Variants in SGCB observed in about 807,000 individuals in gnomAD.
The protein encoded by SGCB is sarcoglycan beta.
Under a neutral mutation model 27.3 loss-of-function variants are expected in SGCB, and 25 were observed. That is an observed-to-expected ratio of 0.92 (90% CI 0.67 to 1.28). SGCB has a LOEUF of 1.28. SGCB is among the 50% of genes most tolerant of loss of function. The probability of loss-of-function intolerance (pLI) is 0.00; values close to 1 mark genes in which losing one functional copy is unlikely to be tolerated. For synonymous variants in SGCB, 147 were observed against 133.5 expected, an observed-to-expected ratio of 1.10 and a Z score of -0.70; for missense variants, 436 against 402.1, an observed-to-expected ratio of 1.08 and a Z score of -0.72.
Position 52,022,981 on chromosome 4 carries a change from A to G in SGCB, c.*976T>C, listed in dbSNP as rs1189072144. On this transcript the variant is annotated 3_prime_UTR_variant, in exon 6 of 6. Coordinates refer to ENST00000381431, the MANE Select transcript of SGCB (RefSeq NM_000232.5). ...TGTTTTGTTTGATTCTCATCTTCTT[A>G]GGTAAGTTTAAATTAACCTTTGTTC... 6.6e-6 allele frequency: 1 copy of G among 152,208 alleles called. No individual in the cohort carries two copies. Among genetic ancestry groups the G allele is most frequent in the Non-Finnish European group, 1.5e-5 (1 of 68,040 alleles). The allele number at this position is 152,208 out of a possible 1,614,324, so 9.4% of individuals were successfully genotyped here. A position where few individuals can be genotyped will look rare whatever the true frequency, so the allele number is the denominator to read the frequency against.
At chr4:52,035,714 A>G (rs139866115) in intron 1 of SGCB, among the ~76,000 whole-genome samples, 2 of 152,312 alleles carry the variant, frequency 1.3e-5, no homozygotes, top group East Asian at 3.9e-4. Context: ...AAGTGGGATG[A>G]AAAAGGAGAG....
At chr4:52,038,124 GCCCGCGCCC>G (rs1472042514) in intron 1 of SGCB, 94 bp downstream of exon 1, 1 of 1,044,080 alleles carries the variant, frequency 9.6e-7, no homozygotes, top group Non-Finnish European at 1.2e-6. Flanking sequence ...AGACCCTGCG[GCCCGCGCCC>G]CCCGCACCCC....
intron 1 of SGCB, among the ~76,000 whole-genome samples, chr4:52,036,898 C>G (rs1157941897): frequency 1.3e-5 from 2 of 152,134 alleles, no homozygotes; most frequent in Admixed American, 1.3e-4. Flanking sequence ...ATGGTTGTAG[C>G]CTTTTTAATA....
chr4:52,034,616 A>G (rs554233138), intron 1 of SGCB, among the ~76,000 whole-genome samples: 2 of 152,144 alleles, frequency 1.3e-5, no homozygotes, highest in South Asian at 2.1e-4. Flanking sequence ...CCTGAGACCA[A>G]TCCCCCATAG....
At chr4:52,028,188 T>C (rs2109370252) in intron 4 of SGCB, 89 bp from the exon 5 acceptor site, 2 of 1,044,244 alleles carry the variant, frequency 1.9e-6, no homozygotes, top group Non-Finnish European at 2.9e-6. Context: ...GCTTCAGTCA[T>C]GAGAGATGAA....
In SGCB at chr4:52,028,770, C is replaced by T; in HGVS notation, c.581G>A (p.Gly194Glu). The change falls in exon 4 of 6, where the codon GGA becomes GAA. Residue 194 changes from glycine to glutamate, a missense_variant. Transcript: ENST00000381431. ...YETHEFHLPS[G>E]VKSLNVQKAS... ...CTTTTGAACATTCAAACTTTTCACT[C>T]CACTTGGCAAATGAAACTCATGAGT... 2 of 1,613,854 alleles carry T rather than the reference C, an allele frequency of 1.2e-6. No individual in the cohort carries two copies. Among genetic ancestry groups the T allele is most frequent in the Non-Finnish European group, 1.7e-6 (2 of 1,179,820 alleles).
rs1737170359 is a variant in SGCB at position 52,028,626 on chromosome 4, A to C, written c.621+104T>G. The C allele has an allele frequency of 1.1e-5, 10 of 909,932 alleles. No individual in the cohort carries two copies. In the South Asian group the frequency reaches 1.4e-4, roughly 13 times the overall value. The allele number at this position is 909,932 out of a possible 1,614,324, so 56.4% of individuals were successfully genotyped here. ...ACTCCAGCCTGGGCGACAGAGCGAA[A>C]CTCCGTCTCAAAAAAAAAACAACAA... On this transcript the variant is annotated intron_variant, in intron 4 of 5. Coordinates refer to ENST00000381431, the MANE Select transcript of SGCB (RefSeq NM_000232.5).
intron 2 of SGCB, among the ~76,000 whole-genome samples, chr4:52,031,488 A>ATTT (rs67975991): frequency 1.5e-5 from 2 of 129,404 alleles, no homozygotes; most frequent in Admixed American, 7.3e-5. Context: ...GTTCCTTTTA[A>ATTT]TTTTTTTTTT....
Position 52,028,885 on chromosome 4 carries a change from C to G in SGCB, c.466G>C (p.Glu156Gln). Residue 156 changes from glutamate (E) to glutamine (Q), a missense_variant, in exon 4 of 6, where the codon GAA (glutamate) becomes CAA (glutamine). Transcript: ENST00000381431. ...FQQGTTKLSV[E>Q]NNKTSITSDI... is the part of the protein sequence containing the mutation. ...CTTGTAATAGAAGTTTTGTTGTTTT[C>G]TACACTGAGCTTTGTTGTCCCTTGC... 6.2e-7 allele frequency: 1 copy of G among 1,613,858 alleles called. No individual in the cohort carries two copies. Among genetic ancestry groups the G allele is most frequent in the South Asian group, 1.1e-5 (1 of 91,074 alleles).
chr4:52,033,186 C>A (rs2109375620), intron 2 of SGCB, among the ~76,000 whole-genome samples: 1 of 152,146 alleles, frequency 6.6e-6, no homozygotes, highest in South Asian at 2.1e-4. Flanking sequence ...TAGGTGGGAG[C>A]CTCATAATTC....
intron 2 of SGCB, chr4:52,031,958 G>A (rs759700453): frequency 5.7e-5 from 26 of 456,046 alleles, no homozygotes; most frequent in Admixed American, 4.7e-5. Flanking sequence ...TGGCTGCCAG[G>A]GAGCTGGAGG....
intron 2 of SGCB, 119 bp from the exon 3 acceptor site, chr4:52,029,982 G>A: frequency 2.7e-6 from 2 of 746,536 alleles, no homozygotes; most frequent in Non-Finnish European, 4.7e-6. Flanking sequence ...TATCAGTGAG[G>A]TAAATATATC....
At position 52,038,294 on chromosome 4, in the gene SGCB, G is replaced by A; in HGVS notation, c.-35C>T. On this transcript the variant is annotated 5_prime_UTR_variant, in exon 1 of 6. Transcript: ENST00000381431. ...CCCGCCGCCGCCGAGCTCCCCGCCC[G>A]ACTGTGCCCGCCCCTCCGCGACCGC... 1 of 1,276,530 alleles carries A rather than the reference G, an allele frequency of 7.8e-7. No individual in the cohort carries two copies. The allele number at this position is 1,276,530 out of a possible 1,614,324, so 79.1% of individuals were successfully genotyped here.
rs1737013508 is a variant in SGCB, at chr4:52,023,791, T to G, written c.*166A>C. On this transcript the variant is annotated 3_prime_UTR_variant, in exon 6 of 6. Coordinates refer to ENST00000381431, the MANE Select transcript of SGCB (RefSeq NM_000232.5). ...ATAAATTAATAAAATGTATTAGAAT[T>G]TAGGCTCTCTGAGAAGATTTTAACT... is the stretch of plus-strand genomic sequence containing the variant. 5 of 611,938 alleles carry G rather than the reference T, an allele frequency of 8.2e-6. No homozygotes were observed. The highest frequency in any genetic ancestry group is 1.4e-5 in the Non-Finnish European group (5 of 345,044). The allele number at this position is 611,938 out of a possible 1,614,324, so 37.9% of individuals were successfully genotyped here. A position where few individuals can be genotyped will look rare whatever the true frequency, so the allele number is the denominator to read the frequency against.
chr4:52,033,976 C>T (rs1443315494), intron 1 of SGCB, among the ~76,000 whole-genome samples: 1 of 151,994 alleles, frequency 6.6e-6, no homozygotes, highest in East Asian at 1.9e-4. Flanking sequence ...AATTTTTTTA[C>T]GTATACAACT....
intron 2 of SGCB, among the ~76,000 whole-genome samples, chr4:52,032,224 G>T (rs975216005): frequency 2.0e-5 from 3 of 152,118 alleles, no homozygotes; most frequent in Non-Finnish European, 4.4e-5. Context: ...TCTGTTTTCA[G>T]TTCTTGCCTC....
intron 1 of SGCB, among the ~76,000 whole-genome samples, chr4:52,037,429 C>T (rs1737424057): frequency 6.6e-6 from 1 of 151,940 alleles, no homozygotes; most frequent in African/African-American, 2.4e-5. Context: ...TAGAATGAGA[C>T]TTTTTAAAGA....
chr4:52,028,109 T>C lies in SGCB; in HGVS notation c.622-10A>G. ...TAGCATTGCTGGTAATCTGAAAATT[T>C]AAAAAACAAGTACTAAAAAGAGTTT... On this transcript the variant is annotated splice_polypyrimidine_tract_variant and intron_variant, in intron 4 of 5. Transcript: ENST00000381431. The C allele has an allele frequency of 1.2e-6, 2 of 1,603,676 alleles. No individual in the cohort carries two copies. Among genetic ancestry groups the C allele is most frequent in the South Asian group, 2.2e-5 (2 of 90,736 alleles).
Position 52,028,076 on chromosome 4 carries a change from A to G in SGCB, c.645T>C (p.Asp215=). The G allele has an allele frequency of 1.9e-6, 3 of 1,613,238 alleles. No homozygotes were observed. The highest frequency in any genetic ancestry group is 2.5e-6 in the Non-Finnish European group (3 of 1,179,244). Residue 215 remains aspartate (D), a synonymous_variant, in exon 5 of 6, where the codon GAT becomes GAC. Coordinates refer to ENST00000381431, the MANE Select transcript of SGCB (RefSeq NM_000232.5). ...CACGCCCATCAACTTTTATATTTAA[A>G]TCACTGGTAGCATTGCTGGTAATCT... ...TERITSNATS[D]LNIKVDGRAI...
Sources: allele counts gnomAD v4.1 joint callset (sites outside exome capture counted in the v4.1 genomes callset), GRCh38; gene constraint gnomAD v4.1.1; transcripts MANE v1.5; gene names NCBI Gene and HGNC (gene_info 2026-07-23, HGNC 2026-07-21).